TLCD4: variants seen among roughly 807,000 people sequenced by gnomAD.
TLCD4 encodes TLC domain containing 4, also known as TLC domain-containing protein 4.
TLCD4 carries 7 observed loss-of-function variants against 24.2 expected under a neutral mutation model. That is an observed-to-expected ratio of 0.29 (90% CI 0.16 to 0.54). The LOEUF (loss-of-function observed/expected upper bound fraction) is 0.54. Ranked by LOEUF, TLCD4 falls within the 20% of genes least tolerant of loss-of-function variation. TLCD4 has a pLI of 0.95. For missense variants in TLCD4, 259 were observed against 313.9 expected, an observed-to-expected ratio of 0.82 and a Z score of 1.32; for synonymous variants, 103 against 106.4, an observed-to-expected ratio of 0.97 and a Z score of 0.20.
chr1:95,149,649 T>C (rs1677439581), intron 3 of TLCD4, among the ~76,000 whole-genome samples: 1 of 152,188 alleles, frequency 6.6e-6, no homozygotes, highest in Non-Finnish European at 1.5e-5. Context: ...TTAAATAGTC[T>C]ACCTACAAAA....
chr1:95,154,225 T>G (rs1359962184), intron 5 of TLCD4, among the ~76,000 whole-genome samples: 1 of 152,178 alleles, frequency 6.6e-6, no homozygotes, highest in African/African-American at 2.4e-5. Context: ...AGCTAAGTTA[T>G]GTCACCAAGT....
chr1:95,195,663 T>C lies in TLCD4; in HGVS notation c.*3795T>C, dbSNP rs1280349302. The C allele has an allele frequency of 6.6e-6, 1 of 152,174 alleles. No individual in the cohort carries two copies. The highest frequency in any genetic ancestry group is 1.5e-5 in the Non-Finnish European group (1 of 68,014). The allele number at this position is 152,174 out of a possible 1,614,324, so 9.4% of individuals were successfully genotyped here. On this transcript the variant is annotated 3_prime_UTR_variant, in exon 7 of 7. Coordinates refer to ENST00000370203, the MANE Select transcript of TLCD4 (RefSeq NM_152487.3). ...CTTCATGTGTCTCTGGATGCACATA[T>C]ATCTTCCCAACCTTAAACACAGCTC...
Position 95,144,021 on chromosome 1 carries a change from T to C in TLCD4, c.120T>C (p.Ser40=). Residue 40 remains serine, a synonymous_variant, in exon 2 of 7, where the codon AGT becomes AGC. Coordinates refer to ENST00000370203, the MANE Select transcript of TLCD4 (RefSeq NM_152487.3). Reference sequence around the variant, plus strand: ...CAAAAGTTTCTCCAGGTTTCAATAGTCTCAGCTTCAAAAAGAAGATTGAAT... The same window carrying C: ...CAAAAGTTTCTCCAGGTTTCAATAGCCTCAGCTTCAAAAAGAAGATTGAAT... ...FSAKVSPGFN[S]LSFKKKIEWN... 6.4e-7 allele frequency: 1 copy of C among 1,553,402 alleles called. No individual in the cohort carries two copies. The highest frequency in any genetic ancestry group is 8.7e-7 in the Non-Finnish European group (1 of 1,152,930).
In TLCD4 at chr1:95,191,843, G is replaced by A. The variant is rs768894398; in HGVS notation, c.767G>A (p.Ser256Asn). The A allele has an allele frequency of 6.2e-7, 1 of 1,613,850 alleles. No individual in the cohort carries two copies. Among genetic ancestry groups the A allele is most frequent in the Non-Finnish European group, 8.5e-7 (1 of 1,179,912 alleles). ...SHIRQEKAKN[S>N]LQNGKLD ...ATCAGACAAGAGAAAGCCAAAAATAGTCTTCAGAATGGAAAACTTGATTAA... is the reference window on the plus strand; with the variant it reads ...ATCAGACAAGAGAAAGCCAAAAATAATCTTCAGAATGGAAAACTTGATTAA... Residue 256 changes from serine (S) to asparagine (N), a missense_variant, in exon 7 of 7, where the codon AGT (serine) becomes AAT (asparagine). By Grantham distance (46) the Ser-to-Asn change is conservative. Transcript: ENST00000370203.
At position 95,195,013 on chromosome 1, in the gene TLCD4, C is replaced by T. The variant is rs929222816; in HGVS notation, c.*3145C>T. The T allele has an allele frequency of 1.3e-5, 2 of 152,112 alleles. No homozygotes were observed. The highest frequency in any genetic ancestry group is 2.9e-5 in the Non-Finnish European group (2 of 68,028). 9.4% of individuals were successfully genotyped at this position (152,112 alleles called of 1,614,324 possible). On this transcript the variant is annotated 3_prime_UTR_variant, in exon 7 of 7. Transcript: ENST00000370203. ...AAGTGAAATACTATTTATGTTGTTACCACCCCTAAGAGTGACTCTGATATA... is the reference window on the plus strand; with the variant it reads ...AAGTGAAATACTATTTATGTTGTTATCACCCCTAAGAGTGACTCTGATATA...
intron 6 of TLCD4, among the ~76,000 whole-genome samples, chr1:95,183,762 T>C (rs1678731032): frequency 6.6e-6 from 1 of 152,002 alleles, no homozygotes; most frequent in Admixed American, 6.6e-5. Context: ...CGCTTGAATC[T>C]GGGAGGCGGA....
rs570178221 is a variant in TLCD4 at position 95,197,528 on chromosome 1, C to T, written c.*5660C>T. On this transcript the variant is annotated 3_prime_UTR_variant, in exon 7 of 7. Coordinates refer to ENST00000370203, the MANE Select transcript of TLCD4 (RefSeq NM_152487.3). ...ATGAAAACCTTGGGATTTTCTTGTGCTAGAACACTACCACAATGTGGTGCA... is the reference window on the plus strand; with the variant it reads ...ATGAAAACCTTGGGATTTTCTTGTGTTAGAACACTACCACAATGTGGTGCA... 12 of 152,132 alleles carry T rather than the reference C, an allele frequency of 7.9e-5. No individual in the cohort carries two copies. The highest frequency in any genetic ancestry group is 1.5e-4 in the Non-Finnish European group (10 of 67,988). 9.4% of individuals were successfully genotyped at this position (152,132 alleles called of 1,614,324 possible).
intron 5 of TLCD4, among the ~76,000 whole-genome samples, chr1:95,170,841 GTTATT>G (rs1241243379): frequency 6.6e-6 from 1 of 151,528 alleles, no homozygotes; most frequent in Non-Finnish European, 1.5e-5. Flanking sequence ...TACTTTACTT[GTTATT>G]TTAACTTCTT....
chr1:95,107,159 C>T, the TLCD4 span, among the ~76,000 whole-genome samples: 4 of 152,108 alleles, frequency 2.6e-5, no homozygotes. Flanking sequence ...CGCGGTGGCT[C>T]ACGCCTGTAA....
the TLCD4 span, among the ~76,000 whole-genome samples, chr1:95,106,905 A>G: frequency 6.6e-6 from 1 of 152,230 alleles, no homozygotes; most frequent in Admixed American, 6.5e-5. Context: ...TGCATTTTCC[A>G]TAAAAATAAT....
At chr1:95,108,218 CTAT>C in the TLCD4 span, among the ~76,000 whole-genome samples, 8 of 151,908 alleles carry the variant, frequency 5.3e-5, no homozygotes, top group African/African-American at 1.7e-4. Context: ...CTTGCTTATG[CTAT>C]TATTGTTATT....
At chr1:95,145,836 A>G (rs1248347688) in intron 2 of TLCD4, among the ~76,000 whole-genome samples, 1 of 152,192 alleles carries the variant, frequency 6.6e-6, no homozygotes, top group African/African-American at 2.4e-5. Context: ...CCATTCTATG[A>G]CACAGGAAAT....
At chr1:95,106,973 G>A in the TLCD4 span, among the ~76,000 whole-genome samples, 4 of 152,202 alleles carry the variant, frequency 2.6e-5, no homozygotes, top group African/African-American at 9.6e-5. Flanking sequence ...CAGGAACTTC[G>A]GTTAGTGATA....
chr1:95,093,358 T>C, the TLCD4 span, among the ~76,000 whole-genome samples: 1 of 152,246 alleles, frequency 6.6e-6, no homozygotes, highest in African/African-American at 2.4e-5. Flanking sequence ...TGGAAGTTTT[T>C]ATTGTGGTTA....
intron 5 of TLCD4, chr1:95,163,095 GT>G (rs1315785505): frequency 2.6e-5 from 4 of 152,184 alleles, no homozygotes; most frequent in African/African-American, 9.7e-5. Flanking sequence ...CCTGAAGAGT[GT>G]TTTCCAACTT....
At chr1:95,145,612 A>G (rs1677322359) in intron 2 of TLCD4, among the ~76,000 whole-genome samples, 1 of 152,248 alleles carries the variant, frequency 6.6e-6, no homozygotes, top group Non-Finnish European at 1.5e-5. Flanking sequence ...ATGAAGATAG[A>G]TGGAATGGTA....
rs1679094600 is a variant in TLCD4 at position 95,193,606 on chromosome 1, T to G, written c.*1738T>G. On this transcript the variant is annotated 3_prime_UTR_variant, in exon 7 of 7. Coordinates refer to ENST00000370203, the MANE Select transcript of TLCD4 (RefSeq NM_152487.3). ...CTTTTGATTTGATTTGCTTTTATTATTCAATGCAGATAGAGCCTGATAAGT... is the reference window on the plus strand; with the variant it reads ...CTTTTGATTTGATTTGCTTTTATTAGTCAATGCAGATAGAGCCTGATAAGT... 6.6e-6 allele frequency: 1 copy of G among 152,122 alleles called. No homozygotes were observed. Among genetic ancestry groups the G allele is most frequent in the Non-Finnish European group, 1.5e-5 (1 of 67,952 alleles). 9.4% of individuals were successfully genotyped at this position (152,122 alleles called of 1,614,324 possible).
intron 6 of TLCD4, among the ~76,000 whole-genome samples, chr1:95,185,503 TAA>T (rs1266050431): frequency 6.6e-6 from 1 of 152,186 alleles, no homozygotes; most frequent in Admixed American, 6.5e-5. Context: ...AAATTTGCAC[TAA>T]GTGTGCCTGC....
chr1:95,186,025 C>T (rs868492104), intron 6 of TLCD4, among the ~76,000 whole-genome samples: 11 of 152,194 alleles, frequency 7.2e-5, no homozygotes, highest in African/African-American at 1.9e-4. Flanking sequence ...AAAGGACTGT[C>T]GAGCCAGTTT....
Sources: gnomAD v4.1 joint callset for allele counts (sites outside exome capture counted in the v4.1 genomes callset) on GRCh38, gnomAD v4.1.1 for gene constraint, MANE v1.5 for transcripts, NCBI Gene and HGNC (gene_info 2026-07-23, HGNC 2026-07-21) for gene names.